The following CCDC14 variants were observed in gnomAD, a reference collection of about 807,000 sequenced individuals.
CCDC14 encodes the protein coiled-coil domain-containing protein 14.
In CCDC14, 71 loss-of-function variants were observed where a neutral mutation model predicts 81.4. That is an observed-to-expected ratio of 0.87 (90% CI 0.72 to 1.06). The LOEUF is 1.06. Ranked by LOEUF, CCDC14 falls within the 50% of genes least tolerant of loss-of-function variation. CCDC14 has a pLI of 0.00. For missense variants in CCDC14, 1,046 were observed against 1,047.3 expected (o/e 1.00, Z 0.02); for synonymous variants, 332 against 364.8 (o/e 0.91, Z 1.03).
chr3:123,943,931 G>A (rs898464087), intron 9 of CCDC14, among the ~76,000 whole-genome samples: 5 of 152,092 alleles, frequency 3.3e-5, no homozygotes, highest in Non-Finnish European at 7.4e-5. Flanking sequence ...TCTGTGAGCC[G>A]CTCTAGCAAA....
At chr3:123,958,779 AC>A (rs1432750444) in intron 1 of CCDC14, 1 of 152,042 alleles carries the variant, frequency 6.6e-6, no homozygotes, top group African/African-American at 2.4e-5. Flanking sequence ...ACTGTTCTTT[AC>A]AAAAAAAAAC....
intron 9 of CCDC14, among the ~76,000 whole-genome samples, chr3:123,939,066 G>A (rs558021995): frequency 1.3e-5 from 2 of 151,878 alleles, no homozygotes; most frequent in East Asian, 3.9e-4. Context: ...TGCCATTCAA[G>A]TTTTTTGTTT....
At chr3:123,948,669 G>A in intron 7 of CCDC14, 22 bp downstream of exon 7, 1 of 1,537,040 alleles carries the variant, frequency 6.5e-7, no homozygotes, top group South Asian at 1.2e-5. Context: ...AGTTACTTAT[G>A]TAGTATAAGA....
chr3:123,908,196 C>T (rs776509755), intron 5 of CCDC14, among the ~76,000 whole-genome samples: 12 of 152,110 alleles, frequency 7.9e-5, no homozygotes, highest in Non-Finnish European at 1.8e-4. Context: ...AAGATACCAA[C>T]GTGGTAGGAG....
intron 5 of CCDC14, chr3:123,953,940 T>C (rs62263719): frequency 0.48 from 72,440 of 151,982 alleles, 19,325 homozygotes; most frequent in Non-Finnish European, 0.63. Context: ...TTCATACCTT[T>C]ATGAGTCCCT....
intron 12 of CCDC14, 32 bp from the exon 13 acceptor site, chr3:123,915,750 A>AT (rs1185990175): frequency 6.8e-7 from 1 of 1,463,712 alleles, no homozygotes; most frequent in Non-Finnish European, 9.2e-7. Context: ...ACTAATTATT[A>AT]TTTTTTACCT....
rs1224120439 is a variant in CCDC14, at chr3:123,914,363, A to G, written c.*416T>C. 16 of 985,292 alleles carry G rather than the reference A, an allele frequency of 1.6e-5. No homozygotes were observed. Among genetic ancestry groups the G allele is most frequent in the African/African-American group, 1.7e-5 (1 of 57,230 alleles). The allele number at this position is 985,292 out of a possible 1,614,324, so 61.0% of individuals were successfully genotyped here. ...AATAAAAACACATTGCTATTAAAAA[A>G]AAGTATATGTAAACAGAAAAAAAAA... On this transcript the variant is annotated 3_prime_UTR_variant, in exon 13 of 13. Coordinates refer to ENST00000409697, the MANE Select transcript of CCDC14 (RefSeq NM_001366335.1).
At chr3:123,923,600 C>A (rs1364020088) in intron 12 of CCDC14, among the ~76,000 whole-genome samples, 1 of 151,792 alleles carries the variant, frequency 6.6e-6, no homozygotes, top group Non-Finnish European at 1.5e-5. Context: ...AAATCAGTAA[C>A]ATTTCTATAC....
In CCDC14 at chr3:123,913,622, T is replaced by C. The variant is rs1185229559; in HGVS notation, c.*1157A>G. The C allele has an allele frequency of 6.1e-6, 6 of 980,414 alleles. No homozygotes were observed. The Admixed American group carries it at 3.8e-4, about 63-fold the overall frequency. 60.7% of individuals were successfully genotyped at this position (980,414 alleles called of 1,614,324 possible). A position where few individuals can be genotyped will look rare whatever the true frequency, so the allele number is the denominator to read the frequency against. On this transcript the variant is annotated 3_prime_UTR_variant, in exon 13 of 13. Coordinates refer to ENST00000409697, the MANE Select transcript of CCDC14 (RefSeq NM_001366335.1). ...AATCTCTATCTGGAAAATCTGAACA[T>C]ATCAAAGAGACTACAGCTGGCTCCT... is the stretch of plus-strand genomic sequence containing the variant.
downstream of CCDC14, chr3:123,913,289 G>A (rs948835995): frequency 3.7e-5 from 26 of 703,162 alleles, no homozygotes; most frequent in Middle Eastern, 1.4e-3. Flanking sequence ...ACACACAAGC[G>A]TTTAAAAATT....
intron 9 of CCDC14, among the ~76,000 whole-genome samples, chr3:123,934,256 G>GTGA (rs1168445680): frequency 9.5e-6 from 1 of 105,058 alleles, no homozygotes; most frequent in African/African-American, 4.2e-5. Context: ...TGGCGAAAGA[G>GTGA]TGAGACTCTG....
At chr3:123,929,131 C>T (rs1459087831) in intron 12 of CCDC14, among the ~76,000 whole-genome samples, 10 of 152,250 alleles carry the variant, frequency 6.6e-5, no homozygotes, top group Non-Finnish European at 1.2e-4. Context: ...CTGCTTGGGG[C>T]TAAGAGTTGC....
rs762354270 is a variant in CCDC14, at chr3:123,949,017, G to A, written c.468C>T (p.Pro156=). Residue 156 remains proline (P), a synonymous_variant, in exon 6 of 13, where the codon CCC becomes CCT. Transcript: ENST00000409697. ...GCTCACAGAGGGCTTGGTATATTAT[G>A]GGTGAATACATTCTATAATGATCTT... ...SLQDHYRMYS[P]IIYQALCEHV... 1 of 1,613,650 alleles carries A rather than the reference G, an allele frequency of 6.2e-7. No homozygotes were observed. The highest frequency in any genetic ancestry group is 1.1e-5 in the South Asian group (1 of 91,034).
intron 10 of CCDC14, among the ~76,000 whole-genome samples, chr3:123,933,254 T>G (rs2035852227): frequency 1.3e-5 from 2 of 152,214 alleles, no homozygotes; most frequent in South Asian, 4.1e-4. Flanking sequence ...ATAAGCAGAA[T>G]ACCCAAGTAA....
chr3:123,893,642 A>G (rs948438096), downstream of CCDC14, among the ~76,000 whole-genome samples: 11 of 152,236 alleles, frequency 7.2e-5, no homozygotes, highest in Admixed American at 4.6e-4. Flanking sequence ...TTTTTGAGAA[A>G]CCACCGAACT....
At chr3:123,911,668 T>C (rs1348463166), downstream of CCDC14, among the ~76,000 whole-genome samples, 5 of 152,190 alleles carry the variant, frequency 3.3e-5, no homozygotes, top group African/African-American at 1.2e-4. Context: ...TCTGTCCTGT[T>C]TATTGCTGTC....
In CCDC14 at chr3:123,951,044, T is replaced by C. The variant is rs1477192431; in HGVS notation, c.353-1912A>G. Among the ~76,000 whole-genome samples, 7 of 152,210 alleles carry C rather than the reference T, an allele frequency of 4.6e-5. No individual in the cohort carries two copies. The East Asian group carries it at 1.3e-3, about 29-fold the overall frequency. ...ACTTGGGGTATGCTTCCTTTTCAGA[T>C]GATCTACTCCTATAAATGTACTTTC... is the stretch of plus-strand genomic sequence containing the variant. On this transcript the variant is annotated intron_variant, in intron 5 of 12. Transcript: ENST00000409697.
At chr3:123,955,557 G>T in intron 5 of CCDC14, 1 of 193,854 alleles carries the variant, frequency 5.2e-6, no homozygotes, top group Non-Finnish European at 1.0e-5. Context: ...CAAGTGGCAG[G>T]GGAAACTAAG....
the CCDC14 span, among the ~76,000 whole-genome samples, chr3:123,890,941 G>A: frequency 1.3e-5 from 2 of 152,192 alleles, no homozygotes; most frequent in Non-Finnish European, 2.9e-5. Flanking sequence ...GGGCATCCAG[G>A]CATTTCCATA....
Sources: allele counts gnomAD v4.1 joint callset (sites outside exome capture counted in the v4.1 genomes callset), GRCh38; gene constraint gnomAD v4.1.1; transcripts MANE v1.5; gene names NCBI Gene and HGNC (gene_info 2026-07-23, HGNC 2026-07-21).